Variants in DOCK5 observed in about 807,000 individuals in gnomAD.
The protein encoded by DOCK5 is dedicator of cytokinesis protein 5.
DOCK5 carries 142 observed loss-of-function variants against 251.8 expected under a neutral mutation model. The ratio of observed to expected loss-of-function variants is 0.56; its 90% CI spans 0.49 to 0.65. The LOEUF is 0.65. DOCK5 is among the 30% of genes least tolerant of loss of function. The pLI is 0.00. For synonymous variants in DOCK5, 842 were observed against 835.5 expected (o/e 1.01, Z -0.13); for missense variants, 2,111 against 2,312.3 (o/e 0.91, Z 1.79).
chr8:25,403,948 C>T (rs546603217), intron 48 of DOCK5, among the ~76,000 whole-genome samples: 9 of 152,284 alleles, frequency 5.9e-5, no homozygotes, highest in Non-Finnish European at 1.2e-4. Flanking sequence ...TACCTATAGT[C>T]ATTACCTATT....
intron 48 of DOCK5, among the ~76,000 whole-genome samples, chr8:25,406,045 G>A (rs1465848036): frequency 1.3e-5 from 2 of 152,012 alleles, no homozygotes; most frequent in African/African-American, 2.4e-5. Flanking sequence ...CGCAAGCTCC[G>A]CCTCCCGGGT....
chr8:25,187,377 T>A (rs1801462728), intron 1 of DOCK5, among the ~76,000 whole-genome samples: 1 of 150,696 alleles, frequency 6.6e-6, no homozygotes, highest in South Asian at 2.1e-4. Context: ...TGTGTGTGTG[T>A]GTGTGTGTGT....
Position 25,317,089 on chromosome 8 carries a change from G to A in DOCK5, c.1401G>A (p.Glu467=). 2.5e-6 allele frequency: 4 copies of A among 1,613,976 alleles called. No individual in the cohort carries two copies. The highest frequency in any genetic ancestry group is 1.3e-5 in the African/African-American group (1 of 75,044). ...KGKKKTPKNV[E]VTMSVHDEEG... is the part of the protein sequence containing the mutation. ...AGAAGAAGACGCCAAAGAATGTGGA[G>A]GTGACGATGTCTGTGCACGATGAGG... Residue 467 remains glutamate (E), a synonymous_variant, in exon 14 of 52, where the codon GAG becomes GAA. Coordinates refer to ENST00000276440, the MANE Select transcript of DOCK5 (RefSeq NM_024940.8).
chr8:25,230,502 A>G (rs1427915398), intron 1 of DOCK5, among the ~76,000 whole-genome samples: 1 of 152,186 alleles, frequency 6.6e-6, no homozygotes, highest in Non-Finnish European at 1.5e-5. Flanking sequence ...ATACATATAT[A>G]AATATCTGTC....
In DOCK5 at chr8:25,247,251, T is replaced by C. The variant is rs544267049; in HGVS notation, c.127+3494T>C. Reference sequence around the variant, plus strand: ...TTCATTTTTATGTGACCTCAGCGTATTTCTAAGAAATAGTTAATTGAAACA... The same window carrying C: ...TTCATTTTTATGTGACCTCAGCGTACTTCTAAGAAATAGTTAATTGAAACA... On this transcript the variant is annotated intron_variant, in intron 2 of 51. Transcript: ENST00000276440. Among the ~76,000 whole-genome samples, 76 of 152,296 alleles carry C rather than the reference T, an allele frequency of 5.0e-4. 1 individual carries two copies. Among genetic ancestry groups the C allele is most frequent in the African/African-American group, 1.7e-3 (71 of 41,560 alleles).
At chr8:25,263,961 GTCC>G (rs1387962175) in intron 2 of DOCK5, among the ~76,000 whole-genome samples, 3 of 151,882 alleles carry the variant, frequency 2.0e-5, no homozygotes, top group Middle Eastern at 3.4e-3. Context: ...AAAGACTACT[GTCC>G]TCCTATTTGC....
chr8:25,209,130 G>A (rs1022168453), intron 1 of DOCK5, among the ~76,000 whole-genome samples: 81 of 152,266 alleles, frequency 5.3e-4, no homozygotes, highest in African/African-American at 1.9e-3. Flanking sequence ...TGCCGCGGGT[G>A]CACTGCTCTA....
In DOCK5 at chr8:25,403,634, G is replaced by A. The variant is rs573994262; in HGVS notation, c.5003G>A (p.Arg1668Gln). The A allele has an allele frequency of 7.2e-5, 116 of 1,613,964 alleles. 2 individuals carry two copies. The highest frequency in any genetic ancestry group is 4.6e-4 in the South Asian group (42 of 91,082). The change falls in exon 48 of 52, where the codon CGG (arginine) becomes CAG (glutamine). Residue 1668 changes from arginine to glutamine, a missense_variant. By Grantham distance (43) the Arg-to-Gln change is conservative. Transcript: ENST00000276440. ...VLPYIMSSTLRRLSITSVTSS... is the reference protein window; with the variant it reads ...VLPYIMSSTLQRLSITSVTSS... ...CCCTACATCATGTCTTCCACTCTGC[G>A]GAGGTTGTCCATCACCTCAGTCACT...
intron 1 of DOCK5, among the ~76,000 whole-genome samples, chr8:25,185,446 T>A (rs1690394407): frequency 6.6e-6 from 1 of 152,154 alleles, no homozygotes; most frequent in South Asian, 2.1e-4. Context: ...AAAGCCGCCC[T>A]GCCCCCTTTC....
intron 49 of DOCK5, 116 bp from the exon 50 acceptor site, chr8:25,408,686 C>G: frequency 7.9e-7 from 1 of 1,259,176 alleles, no homozygotes; most frequent in Non-Finnish European, 1.1e-6. Flanking sequence ...TTAAAAATCG[C>G]TCCTTCAGTT....
chr8:25,297,974 T>C (rs1373156143), intron 7 of DOCK5, among the ~76,000 whole-genome samples: 5 of 151,568 alleles, frequency 3.3e-5, no homozygotes, highest in Non-Finnish European at 4.4e-5. Context: ...GGAGGATCAC[T>C]TGAGACTGGG....
intron 1 of DOCK5, among the ~76,000 whole-genome samples, chr8:25,235,891 A>C (rs986059526): frequency 4.2e-5 from 6 of 143,446 alleles, no homozygotes; most frequent in Admixed American, 7.4e-5. Flanking sequence ...TCCACCTCCT[A>C]GATTCAAGCG....
intron 27 of DOCK5, among the ~76,000 whole-genome samples, chr8:25,353,107 A>G (rs1054661483): frequency 6.6e-6 from 1 of 152,176 alleles, no homozygotes; most frequent in Non-Finnish European, 1.5e-5. Context: ...CTGCTGGATT[A>G]AAACCCAATC....
chr8:25,310,505 A>G lies in DOCK5; in HGVS notation c.1291A>G (p.Met431Val), dbSNP rs760568746. The G allele has an allele frequency of 4.3e-6, 7 of 1,612,766 alleles. No homozygotes were observed. Among genetic ancestry groups the G allele is most frequent in the African/African-American group, 1.3e-5 (1 of 74,900 alleles). Residue 431 changes from methionine to valine, a missense_variant, in exon 13 of 52, where the codon ATG (methionine) becomes GTG (valine). Around this residue, in one of 3 missense-constraint regions of DOCK5, gnomAD observed 1,717 missense variants for 1,892.4 expected, o/e 0.91. Coordinates refer to ENST00000276440, the MANE Select transcript of DOCK5 (RefSeq NM_024940.8). ...TAGATCAACAGCAATAGCCCGGAAG[A>G]TGGGCTTTCCTGAAATCATACTGCC... ...VDRSTAIARK[M>V]GFPEIILPGD...
intron 26 of DOCK5, among the ~76,000 whole-genome samples, chr8:25,346,159 A>T (rs1401629198): frequency 6.6e-6 from 1 of 151,224 alleles, no homozygotes; most frequent in Non-Finnish European, 1.5e-5. Context: ...CCCTGTGACT[A>T]TTCTTAAGAA....
intron 1 of DOCK5, among the ~76,000 whole-genome samples, chr8:25,187,364 T>TTGTGTGTGTGTGTG (rs34685735): frequency 7.3e-6 from 1 of 136,550 alleles, no homozygotes; most frequent in African/African-American, 2.7e-5. Flanking sequence ...TGGGTGGAAA[T>TTGTGTGTGTGTGTG]TGTGTGTGTG....
chr8:25,283,212 G>A (rs769314481), intron 5 of DOCK5, among the ~76,000 whole-genome samples: 11 of 152,266 alleles, frequency 7.2e-5, no homozygotes, highest in African/African-American at 1.4e-4. Flanking sequence ...GACTCCCCCC[G>A]TGGTCTCTCT....
chr8:25,376,689 T>C (rs1586376158), intron 37 of DOCK5: 1 of 152,718 alleles, frequency 6.5e-6, no homozygotes, highest in East Asian at 1.9e-4. Context: ...TTTGTTCGAG[T>C]CTGCTTTTGT....
At chr8:25,199,890 C>G (rs1435757991) in intron 1 of DOCK5, among the ~76,000 whole-genome samples, 1 of 152,204 alleles carries the variant, frequency 6.6e-6, no homozygotes, top group Non-Finnish European at 1.5e-5. Context: ...AAGTAAACAG[C>G]AAGTTGCCCT....
Sources: allele counts gnomAD v4.1 joint callset (sites outside exome capture counted in the v4.1 genomes callset), GRCh38; gene constraint gnomAD v4.1.1; regional missense constraint gnomAD v4.1.1; transcripts MANE v1.5; gene names NCBI Gene and HGNC (gene_info 2026-07-23, HGNC 2026-07-21).